TMEM229B: variants seen among roughly 807,000 people sequenced by gnomAD.
TMEM229B encodes chromosome 14 open reading frame 83.
In TMEM229B, 6 loss-of-function variants were observed where a neutral mutation model predicts 13.7. The ratio of observed to expected loss-of-function variants is 0.44; its 90% CI spans 0.24 to 0.86. The LOEUF (loss-of-function observed/expected upper bound fraction) is 0.86. Ranked by LOEUF, TMEM229B falls within the 40% of genes least tolerant of loss-of-function variation. TMEM229B has a pLI of 0.23. For synonymous variants in TMEM229B, 107 were observed against 102.1 expected (o/e 1.05, Z -0.29); for missense variants, 170 against 236.0 (o/e 0.72, Z 1.83).
intron 1 of TMEM229B, among the ~76,000 whole-genome samples, chr14:67,496,727 T>C (rs1490403413): frequency 2.0e-5 from 3 of 147,532 alleles, no homozygotes; most frequent in Non-Finnish European, 4.5e-5. Flanking sequence ...TCTTTCTTTC[T>C]CTCTCTCTCT....
intron 2 of TMEM229B, among the ~76,000 whole-genome samples, chr14:67,480,576 G>T (rs1296651878): frequency 6.6e-6 from 1 of 152,134 alleles, no homozygotes; most frequent in Non-Finnish European, 1.5e-5. Context: ...CACTGAGGCG[G>T]TCTGAGGGCC....
At chr14:67,511,378 G>C (rs532076491) in intron 1 of TMEM229B, among the ~76,000 whole-genome samples, 2 of 152,160 alleles carry the variant, frequency 1.3e-5, no homozygotes, top group South Asian at 2.1e-4. Flanking sequence ...AAACTGTCAT[G>C]CTTCTAGAAG....
At chr14:67,520,372 G>C (rs767629008), upstream of TMEM229B, among the ~76,000 whole-genome samples, 66 of 152,156 alleles carry the variant, frequency 4.3e-4, 2 homozygotes, top group Non-Finnish European at 1.2e-4. Flanking sequence ...GGCAACCACT[G>C]TTCTTTTCAC....
Position 67,470,901 on chromosome 14 carries a change from A to C in TMEM229B, c.*2519T>G, listed in dbSNP as rs1053011125. The C allele has an allele frequency of 2.6e-5, 4 of 152,358 alleles. No individual in the cohort carries two copies. The highest frequency in any genetic ancestry group is 9.7e-5 in the African/African-American group (4 of 41,442). 9.4% of individuals were successfully genotyped at this position (152,358 alleles called of 1,614,324 possible). ...CCCACCAGCACCCTTAATGCTTGGC[A>C]GGGCTGGGATTATTCCAAACTTTGA... On this transcript the variant is annotated 3_prime_UTR_variant, in exon 3 of 3. Coordinates refer to ENST00000554480, the MANE Select transcript of TMEM229B (RefSeq NM_001348543.2).
rs1430068233 is a variant in TMEM229B, at chr14:67,472,266, C to T, written c.*1154G>A. The T allele has an allele frequency of 6.6e-6, 1 of 152,384 alleles. No homozygotes were observed. Among genetic ancestry groups the T allele is most frequent in the Non-Finnish European group, 1.5e-5 (1 of 68,136 alleles). 9.4% of individuals were successfully genotyped at this position (152,384 alleles called of 1,614,324 possible). A position where few individuals can be genotyped will look rare whatever the true frequency, so the allele number is the denominator to read the frequency against. Reference sequence around the variant, plus strand: ...AAGGTCCTCCTCTCTTTCTTCCTCTCATTCTCCATCAGTCTCCAATGCTGG... The same window carrying T: ...AAGGTCCTCCTCTCTTTCTTCCTCTTATTCTCCATCAGTCTCCAATGCTGG... On this transcript the variant is annotated 3_prime_UTR_variant, in exon 3 of 3. Coordinates refer to ENST00000554480, the MANE Select transcript of TMEM229B (RefSeq NM_001348543.2).
upstream of TMEM229B, among the ~76,000 whole-genome samples, chr14:67,489,430 T>G (rs112096321): frequency 2.8e-3 from 429 of 152,316 alleles, 3 homozygotes; most frequent in African/African-American, 9.9e-3. Flanking sequence ...TTTTGCAAAC[T>G]TATAGCTGAG....
At chr14:67,474,015 G>A in intron 2 of TMEM229B, 74 bp from the exon 3 acceptor site, 4 of 1,428,088 alleles carry the variant, frequency 2.8e-6, no homozygotes, top group Non-Finnish European at 3.7e-6. Flanking sequence ...CGCTTTGGGA[G>A]GCCGAGGCGG....
chr14:67,482,466 G>C (rs891825198), intron 2 of TMEM229B, among the ~76,000 whole-genome samples: 1 of 152,102 alleles, frequency 6.6e-6, no homozygotes, highest in Admixed American at 6.5e-5. Flanking sequence ...CCATGCAACC[G>C]GGCTGGGAAG....
At chr14:67,485,626 T>C (rs960826041) in intron 2 of TMEM229B, among the ~76,000 whole-genome samples, 4 of 152,130 alleles carry the variant, frequency 2.6e-5, no homozygotes, top group African/African-American at 9.7e-5. Flanking sequence ...AGGCCTCTGA[T>C]CCCACCAGGC....
intron 1 of TMEM229B, among the ~76,000 whole-genome samples, chr14:67,532,967 G>A (rs2033514344): frequency 1.3e-5 from 2 of 152,082 alleles, no homozygotes; most frequent in African/African-American, 4.8e-5. Context: ...CCTCCTCGGA[G>A]AGCTCCGGGC....
At chr14:67,503,305 C>A (rs2032684840) in intron 1 of TMEM229B, among the ~76,000 whole-genome samples, 1 of 152,160 alleles carries the variant, frequency 6.6e-6, no homozygotes, top group Non-Finnish European at 1.5e-5. Flanking sequence ...AGGTGAGTGC[C>A]CTTCAGGCAG....
chr14:67,474,080 C>T (rs1278534970), intron 2 of TMEM229B, 139 bp from the exon 3 acceptor site: 5 of 948,394 alleles, frequency 5.3e-6, no homozygotes, highest in African/African-American at 5.0e-5. Flanking sequence ...GGTGAAACCC[C>T]GTCTCTACTA....
chr14:67,532,537 A>T (rs1453538933), intron 1 of TMEM229B, among the ~76,000 whole-genome samples: 7 of 152,052 alleles, frequency 4.6e-5, no homozygotes. Context: ...CACGCTGATG[A>T]CTGCCCTGCA....
intron 2 of TMEM229B, among the ~76,000 whole-genome samples, chr14:67,478,030 T>A (rs888716837): frequency 1.3e-5 from 2 of 152,222 alleles, no homozygotes; most frequent in Non-Finnish European, 2.9e-5. Flanking sequence ...AATAAAGACA[T>A]TTCTTAGTTA....
chr14:67,532,529 C>T (rs1381258755), intron 1 of TMEM229B, among the ~76,000 whole-genome samples: 1 of 152,128 alleles, frequency 6.6e-6, no homozygotes, highest in African/African-American at 2.4e-5. Context: ...CACATGGGCA[C>T]GCTGATGACT....
chr14:67,514,219 G>A (rs1353991066), intron 1 of TMEM229B, among the ~76,000 whole-genome samples: 1 of 152,140 alleles, frequency 6.6e-6, no homozygotes, highest in Non-Finnish European at 1.5e-5. Flanking sequence ...CTGTACCTAA[G>A]GCAGCCAAAC....
At chr14:67,496,572 GA>G (rs927186441) in intron 1 of TMEM229B, among the ~76,000 whole-genome samples, 31 of 151,764 alleles carry the variant, frequency 2.0e-4, no homozygotes, top group Admixed American at 1.1e-3. Flanking sequence ...TGCTGGAAGA[GA>G]AGTAGACGTG....
intron 2 of TMEM229B, among the ~76,000 whole-genome samples, chr14:67,481,274 C>T (rs1193096048): frequency 6.6e-6 from 1 of 151,966 alleles, no homozygotes; most frequent in Non-Finnish European, 1.5e-5. Context: ...TGAGCAAGAC[C>T]CTGTCTCTTA....
chr14:67,487,830 A>G (rs2031966122), intron 1 of TMEM229B, among the ~76,000 whole-genome samples: 2 of 151,514 alleles, frequency 1.3e-5, no homozygotes, highest in East Asian at 1.9e-4. Flanking sequence ...GGGTCTTGCT[A>G]TGTTGACCAG....
Sources: allele counts gnomAD v4.1 joint callset (sites outside exome capture counted in the v4.1 genomes callset), GRCh38; gene constraint gnomAD v4.1.1; transcripts MANE v1.5; gene names NCBI Gene and HGNC (gene_info 2026-07-23, HGNC 2026-07-21).